SCHIP1: variants seen among roughly 807,000 people sequenced by gnomAD.
SCHIP1 encodes schwannomin-interacting protein 1.
In SCHIP1, 8 loss-of-function variants were observed where a neutral mutation model predicts 29.7. The observed-to-expected ratio is 0.27, with a 90% CI of 0.16 to 0.49. SCHIP1 has a LOEUF of 0.49. Among genes scored for constraint, SCHIP1 ranks in the 20% least tolerant of loss-of-function variants. SCHIP1 has a pLI of 0.99. For synonymous variants in SCHIP1, 76 were observed against 94.9 expected (o/e 0.80, Z 1.16); for missense variants, 193 against 294.6 (o/e 0.66, Z 2.52).
the SCHIP1 span, chr3:159,768,752 C>G: frequency 5.2e-5 from 8 of 152,414 alleles, no homozygotes; most frequent in African/African-American, 1.9e-4. Context: ...GGGCTCAAGA[C>G]AGACCTCCAG....
the SCHIP1 span, among the ~76,000 whole-genome samples, chr3:159,406,893 T>A: frequency 6.6e-6 from 1 of 152,118 alleles, no homozygotes; most frequent in East Asian, 1.9e-4. Flanking sequence ...ATACAGCAGA[T>A]ACACAAGAGG....
chr3:159,306,870 G>T, the SCHIP1 span, among the ~76,000 whole-genome samples: 1 of 152,236 alleles, frequency 6.6e-6, no homozygotes, highest in African/African-American at 2.4e-5. Context: ...TACCTTCAAT[G>T]AAAGTCCCCT....
At chr3:159,626,424 G>C in the SCHIP1 span, among the ~76,000 whole-genome samples, 1 of 151,716 alleles carries the variant, frequency 6.6e-6, no homozygotes, top group Non-Finnish European at 1.5e-5. Context: ...CACTGTCTCA[G>C]ATGGTACCTG....
the SCHIP1 span, among the ~76,000 whole-genome samples, chr3:159,678,847 G>C: frequency 6.6e-6 from 1 of 152,284 alleles, no homozygotes; most frequent in East Asian, 1.9e-4. Flanking sequence ...GGAAAGGCGG[G>C]GGAAACCCCT....
chr3:159,415,287 G>T, the SCHIP1 span, among the ~76,000 whole-genome samples: 1 of 152,112 alleles, frequency 6.6e-6, no homozygotes, highest in African/African-American at 2.4e-5. Context: ...ATAATGCATT[G>T]CTGGATATTT....
At chr3:159,752,540 C>T in the SCHIP1 span, among the ~76,000 whole-genome samples, 3 of 152,244 alleles carry the variant, frequency 2.0e-5, no homozygotes, top group Admixed American at 6.5e-5. Context: ...GCATCTGCTT[C>T]TGGGGAGGCT....
the SCHIP1 span, among the ~76,000 whole-genome samples, chr3:159,694,483 C>T: frequency 2.0e-5 from 3 of 150,580 alleles, no homozygotes; most frequent in Non-Finnish European, 4.4e-5. Context: ...TGTGCTACTG[C>T]TCTTCAGCCT....
the SCHIP1 span, among the ~76,000 whole-genome samples, chr3:159,769,074 G>A: frequency 1.3e-5 from 2 of 152,202 alleles, no homozygotes; most frequent in Non-Finnish European, 2.9e-5. Context: ...CAGATTAGGA[G>A]TCCTGCTTGC....
chr3:159,303,741 GTAA>G, the SCHIP1 span, among the ~76,000 whole-genome samples: 2 of 152,098 alleles, frequency 1.3e-5, no homozygotes, highest in African/African-American at 2.4e-5. Context: ...AAATTGCACA[GTAA>G]TAATTTTTAA....
At chr3:159,640,477 C>A in the SCHIP1 span, among the ~76,000 whole-genome samples, 13 of 152,192 alleles carry the variant, frequency 8.5e-5, no homozygotes, top group South Asian at 2.7e-3. Flanking sequence ...TCAAGGGAAG[C>A]AGGGAATGTT....
At chr3:159,810,985 A>G in the SCHIP1 span, among the ~76,000 whole-genome samples, 1 of 152,166 alleles carries the variant, frequency 6.6e-6, no homozygotes, top group Non-Finnish European at 1.5e-5. Flanking sequence ...TCTTTTTATT[A>G]TATTCCTTCT....
At chr3:159,314,718 C>T in the SCHIP1 span, among the ~76,000 whole-genome samples, 40 of 152,320 alleles carry the variant, frequency 2.6e-4, no homozygotes, top group African/African-American at 8.9e-4. Context: ...TCATTCCAAT[C>T]AACCATGGTA....
the SCHIP1 span, among the ~76,000 whole-genome samples, chr3:159,553,208 T>C: frequency 1.3e-5 from 2 of 150,450 alleles, no homozygotes; most frequent in East Asian, 1.9e-4. Flanking sequence ...ACTAGATTAA[T>C]GTGAGCAAAC....
At chr3:159,443,375 T>A in the SCHIP1 span, among the ~76,000 whole-genome samples, 2 of 152,194 alleles carry the variant, frequency 1.3e-5, no homozygotes, top group South Asian at 4.1e-4. Flanking sequence ...CAAACAGTAA[T>A]AGGAGTATTT....
chr3:159,374,656 C>A, the SCHIP1 span, among the ~76,000 whole-genome samples: 1 of 152,074 alleles, frequency 6.6e-6, no homozygotes, highest in Non-Finnish European at 1.5e-5. Context: ...TCATAATGAC[C>A]TCCCAAGGAA....
chr3:159,440,078 A>T, the SCHIP1 span, among the ~76,000 whole-genome samples: 25 of 152,124 alleles, frequency 1.6e-4, no homozygotes, highest in Non-Finnish European at 3.5e-4. Context: ...TTGGTTTTGC[A>T]TATGGTGTAA....
the SCHIP1 span, among the ~76,000 whole-genome samples, chr3:159,350,865 C>A: frequency 6.6e-6 from 1 of 151,886 alleles, no homozygotes; most frequent in Non-Finnish European, 1.5e-5. Context: ...ACTTATTCAT[C>A]CTGATGATTT....
At chr3:159,313,037 T>C in the SCHIP1 span, among the ~76,000 whole-genome samples, 8 of 152,362 alleles carry the variant, frequency 5.3e-5, no homozygotes, top group East Asian at 3.9e-4. Flanking sequence ...ATTTGTATCA[T>C]ATTAAGAACC....
chr3:159,379,323 G>C, the SCHIP1 span, among the ~76,000 whole-genome samples: 1 of 151,882 alleles, frequency 6.6e-6, no homozygotes, highest in African/African-American at 2.4e-5. Context: ...CCAGGTTCAA[G>C]CGATTCTCCT....
Sources: allele counts gnomAD v4.1 joint callset (sites outside exome capture counted in the v4.1 genomes callset), GRCh38; gene constraint gnomAD v4.1.1; transcripts MANE v1.5; gene names NCBI Gene and HGNC (gene_info 2026-07-23, HGNC 2026-07-21).